The following RIT2 variants were observed in gnomAD, a reference collection of about 807,000 sequenced individuals.
RIT2 encodes Ras like without CAAX 2.
A neutral mutation model predicts 23.7 loss-of-function variants in RIT2; 24 were observed. The observed-to-expected ratio is 1.01, with a 90% CI of 0.73 to 1.43. The LOEUF (loss-of-function observed/expected upper bound fraction) is 1.43. Among genes scored for constraint, RIT2 ranks in the 40% most tolerant of loss-of-function variants. RIT2 has a pLI of 0.00. For synonymous variants in RIT2, 107 were observed against 91.1 expected (o/e 1.17, Z -0.99); for missense variants, 236 against 266.9 (o/e 0.88, Z 0.81).
At chr18:42,752,501 C>T (rs1452709346) in intron 4 of RIT2, among the ~76,000 whole-genome samples, 1 of 152,102 alleles carries the variant, frequency 6.6e-6, no homozygotes, top group African/African-American at 2.4e-5. Context: ...CAAGGTCACA[C>T]ATCTAATTAA....
chr18:43,092,188 T>G (rs1252518257), intron 1 of RIT2, among the ~76,000 whole-genome samples: 2 of 152,094 alleles, frequency 1.3e-5, no homozygotes, highest in African/African-American at 2.4e-5. Flanking sequence ...TAGATGCCCA[T>G]GCAGTTACCT....
intron 4 of RIT2, among the ~76,000 whole-genome samples, chr18:42,904,954 A>T (rs1908571701): frequency 6.6e-6 from 1 of 152,210 alleles, no homozygotes; most frequent in Admixed American, 6.6e-5. Context: ...TAACTAGGAC[A>T]TAGAAAGATG....
At chr18:42,770,137 A>C (rs908629223) in intron 4 of RIT2, among the ~76,000 whole-genome samples, 4 of 152,120 alleles carry the variant, frequency 2.6e-5, no homozygotes, top group Non-Finnish European at 4.4e-5. Flanking sequence ...GAGGAAAGGA[A>C]GAATACGGAA....
At chr18:42,930,772 G>A (rs943282147) in intron 3 of RIT2, among the ~76,000 whole-genome samples, 1 of 152,026 alleles carries the variant, frequency 6.6e-6, no homozygotes, top group African/African-American at 2.4e-5. Flanking sequence ...ATCTAAATGG[G>A]GTAGTTGTGA....
chr18:42,857,161 A>G (rs1457648287), intron 4 of RIT2, among the ~76,000 whole-genome samples: 1 of 152,118 alleles, frequency 6.6e-6, no homozygotes, highest in African/African-American at 2.4e-5. Context: ...TTGTGATACT[A>G]GCATCTAGTC....
At position 43,033,810 on chromosome 18, in the gene RIT2, C is replaced by A; in HGVS notation, c.160+1G>T. On this transcript the variant is annotated splice_donor_variant, in intron 2 of 4. Coordinates refer to ENST00000326695, the MANE Select transcript of RIT2 (RefSeq NM_002930.4). LOFTEE classifies it high-confidence loss of function. The stretch of plus-strand genomic sequence containing the variant: ...TACGGAGAAAGGAAGCTTCCACTTA[C>A]CTATAGTAGGGTCATGATAATCAGG... 6.2e-7 allele frequency: 1 copy of A among 1,603,562 alleles called. No homozygotes were observed. Among genetic ancestry groups the A allele is most frequent in the South Asian group, 1.1e-5 (1 of 90,522 alleles).
At chr18:43,052,824 C>T (rs1480978435) in intron 1 of RIT2, among the ~76,000 whole-genome samples, 2 of 152,014 alleles carry the variant, frequency 1.3e-5, no homozygotes, top group Non-Finnish European at 2.9e-5. Context: ...TCTGTGACTT[C>T]GAGTAGCCTA....
At chr18:42,954,945 A>C (rs1263728659) in intron 3 of RIT2, among the ~76,000 whole-genome samples, 5 of 152,190 alleles carry the variant, frequency 3.3e-5, no homozygotes, top group Non-Finnish European at 5.9e-5. Context: ...TTTGCTTAAC[A>C]ATACTTGTGT....
intron 3 of RIT2, among the ~76,000 whole-genome samples, chr18:42,968,607 T>C (rs1053552678): frequency 6.6e-6 from 1 of 152,212 alleles, no homozygotes; most frequent in African/African-American, 2.4e-5. Context: ...TGAGAATGCT[T>C]ATAAAATCAG....
intron 4 of RIT2, among the ~76,000 whole-genome samples, chr18:42,795,890 A>G (rs1905335058): frequency 6.6e-6 from 1 of 151,912 alleles, no homozygotes; most frequent in Non-Finnish European, 1.5e-5. Flanking sequence ...TTGTGTGGAC[A>G]CTCTGTATCT....
intron 4 of RIT2, among the ~76,000 whole-genome samples, chr18:42,757,334 G>C (rs622364): frequency 6.6e-6 from 1 of 151,952 alleles, no homozygotes; most frequent in East Asian, 1.9e-4. Context: ...TAAGAAGACC[G>C]GGTCATCATG....
intron 4 of RIT2, among the ~76,000 whole-genome samples, chr18:42,847,197 G>A (rs1455317965): frequency 6.6e-6 from 1 of 152,096 alleles, no homozygotes; most frequent in South Asian, 2.1e-4. Flanking sequence ...TTTAACTTGG[G>A]TATTAAACAA....
intron 3 of RIT2, among the ~76,000 whole-genome samples, chr18:42,931,091 A>G (rs1299367661): frequency 6.6e-6 from 1 of 152,068 alleles, no homozygotes; most frequent in Admixed American, 6.6e-5. Flanking sequence ...TCCCATCACT[A>G]GACTCTAACC....
chr18:42,914,448 T>C lies in RIT2; in HGVS notation c.426+9124A>G, dbSNP rs191588468. 2.0e-3 allele frequency among the ~76,000 whole-genome samples: 302 copies of C among 152,228 alleles called. 1 individual carries two copies. The highest frequency in any genetic ancestry group is 0.012 in the Admixed American group (186 of 15,258). ...GTGATATATCCAAAGCTGAATGCTA[T>C]TTAGTAATAAAAAGAAACACACTAC... is the stretch of plus-strand genomic sequence containing the variant. On this transcript the variant is annotated intron_variant, in intron 4 of 4. Transcript: ENST00000326695.
intron 1 of RIT2, among the ~76,000 whole-genome samples, chr18:43,066,985 C>A (rs60088688): frequency 6.6e-6 from 1 of 150,788 alleles, no homozygotes; most frequent in Non-Finnish European, 1.5e-5. Flanking sequence ...ACAGTGAGTT[C>A]TAGGATCCTG....
chr18:42,759,800 G>A (rs906512442), intron 4 of RIT2, among the ~76,000 whole-genome samples: 2 of 149,024 alleles, frequency 1.3e-5, no homozygotes, highest in African/African-American at 2.5e-5. Context: ...TTTCAAGCCC[G>A]AGTTTTGCTC....
At chr18:42,790,306 A>C (rs1346265807) in intron 4 of RIT2, among the ~76,000 whole-genome samples, 1 of 152,182 alleles carries the variant, frequency 6.6e-6, no homozygotes, top group Non-Finnish European at 1.5e-5. Flanking sequence ...CACCCGACTG[A>C]GCAGATGGAT....
At chr18:43,068,833 C>T (rs1003605890) in intron 1 of RIT2, among the ~76,000 whole-genome samples, 1 of 151,758 alleles carries the variant, frequency 6.6e-6, no homozygotes, top group African/African-American at 2.4e-5. Context: ...TTTGTGTTGG[C>T]ACAGTTTACA....
intron 4 of RIT2, among the ~76,000 whole-genome samples, chr18:42,763,807 G>GT (rs1258485324): frequency 6.6e-6 from 1 of 151,918 alleles, no homozygotes; most frequent in Non-Finnish European, 1.5e-5. Context: ...TCTATTTTAA[G>GT]TTTTTTCTAT....
Sources: allele counts gnomAD v4.1 joint callset (sites outside exome capture counted in the v4.1 genomes callset), GRCh38; gene constraint gnomAD v4.1.1; transcripts MANE v1.5; gene names NCBI Gene and HGNC (gene_info 2026-07-23, HGNC 2026-07-21).